Variants in EPS15 observed in about 807,000 individuals in gnomAD.
EPS15 encodes the protein epidermal growth factor receptor pathway substrate 15, also known as epidermal growth factor receptor substrate 15.
EPS15 carries 72 observed loss-of-function variants against 113.8 expected under a neutral mutation model. The ratio of observed to expected loss-of-function variants is 0.63; its 90% CI spans 0.52 to 0.77. EPS15 has a LOEUF of 0.77. Among genes scored for constraint, EPS15 ranks in the 30% least tolerant of loss-of-function variants. The probability of loss-of-function intolerance (pLI) is 0.00; values close to 1 mark genes in which losing one functional copy is unlikely to be tolerated. For missense variants in EPS15, 1,048 were observed against 1,045.8 expected (o/e 1.00, Z -0.03); for synonymous variants, 344 against 363.4 (o/e 0.95, Z 0.61).
intron 12 of EPS15, among the ~76,000 whole-genome samples, chr1:51,434,720 G>A (rs1440444381): frequency 6.6e-6 from 1 of 152,192 alleles, no homozygotes; most frequent in African/African-American, 2.4e-5. Context: ...CTCCCAGGCT[G>A]GAGTGCAGTG....
intron 24 of EPS15, among the ~76,000 whole-genome samples, chr1:51,360,211 T>A (rs1370181505): frequency 6.6e-6 from 1 of 152,116 alleles, no homozygotes; most frequent in East Asian, 1.9e-4. Context: ...GGCCACTAGA[T>A]CTATTTCCAA....
Position 51,355,212 on chromosome 1 carries a change from AAAC to A in EPS15, c.*1485_*1487del, listed in dbSNP as rs1192571016. The A allele has an allele frequency of 9.1e-6, 2 of 220,140 alleles. No homozygotes were observed. The highest frequency in any genetic ancestry group is 1.8e-5 in the Non-Finnish European group (2 of 109,626). 13.6% of individuals were successfully genotyped at this position (220,140 alleles called of 1,614,324 possible). A position where few individuals can be genotyped will look rare whatever the true frequency, so the allele number is the denominator to read the frequency against. On this transcript the variant is annotated 3_prime_UTR_variant, in exon 25 of 25. Coordinates refer to ENST00000371733, the MANE Select transcript of EPS15 (RefSeq NM_001981.3). Reference sequence around the variant, plus strand: ...CTAATTGTGTAATGGAAAGAAAACAAAACAAGCACCATTTCAAGAAGAAATGAA... The same window carrying A: ...CTAATTGTGTAATGGAAAGAAAACAAAAGCACCATTTCAAGAAGAAATGAA...
chr1:51,483,611 T>C (rs1444463392), intron 1 of EPS15, among the ~76,000 whole-genome samples: 1 of 151,822 alleles, frequency 6.6e-6, no homozygotes, highest in Non-Finnish European at 1.5e-5. Context: ...ATCAAGACCA[T>C]CTTGGCCAAC....
rs1017694670 is a variant in EPS15 at position 51,354,968 on chromosome 1, A to C, written c.*1732T>G. 4.6e-6 allele frequency: 1 copy of C among 218,978 alleles called. No individual in the cohort carries two copies. Among genetic ancestry groups the C allele is most frequent in the Non-Finnish European group, 9.2e-6 (1 of 108,948 alleles). The allele number at this position is 218,978 out of a possible 1,614,324, so 13.6% of individuals were successfully genotyped here. On this transcript the variant is annotated 3_prime_UTR_variant, in exon 25 of 25. Transcript: ENST00000371733. ...ACCTTTATCCTAAGGAGTAAGAGGA[A>C]GAAAATAAACAAAAATACCACCTAT...
chr1:51,456,500 T>C (rs997808296), intron 8 of EPS15, among the ~76,000 whole-genome samples: 8 of 152,208 alleles, frequency 5.3e-5, no homozygotes, highest in Admixed American at 2.0e-4. Flanking sequence ...ACTTGTATTA[T>C]ACTTCAACAA....
At chr1:51,361,635 C>T (rs1000930313) in intron 23 of EPS15, among the ~76,000 whole-genome samples, 2 of 152,090 alleles carry the variant, frequency 1.3e-5, no homozygotes, top group Non-Finnish European at 2.9e-5. Context: ...TGAATCCCAC[C>T]ATCCCCTAGC....
chr1:51,495,353 A>T (rs189158373), intron 1 of EPS15, among the ~76,000 whole-genome samples: 2,238 of 146,542 alleles, frequency 0.015, 29 homozygotes, highest in Non-Finnish European at 0.022. Flanking sequence ...TTTTATTTTT[A>T]TTTTTTTTTT....
At chr1:51,409,932 T>C (rs2148431816) in intron 13 of EPS15, among the ~76,000 whole-genome samples, 1 of 152,048 alleles carries the variant, frequency 6.6e-6, no homozygotes, top group Middle Eastern at 3.4e-3. Flanking sequence ...TGATGGGCTT[T>C]GCTAACATGT....
intron 1 of EPS15, among the ~76,000 whole-genome samples, chr1:51,500,639 C>A (rs2148550029): frequency 6.6e-6 from 1 of 152,192 alleles, no homozygotes; most frequent in Non-Finnish European, 1.5e-5. Context: ...CCTCAGCCTC[C>A]CAAGTAGCTG....
chr1:51,513,424 TAAC>T (rs941389586), intron 1 of EPS15, among the ~76,000 whole-genome samples: 2 of 152,226 alleles, frequency 1.3e-5, no homozygotes, highest in Admixed American at 6.5e-5. Context: ...AAAAATAATA[TAAC>T]AACAAACTGT....
chr1:51,421,337 A>C (rs1200228164), intron 13 of EPS15, among the ~76,000 whole-genome samples: 1 of 152,118 alleles, frequency 6.6e-6, no homozygotes, highest in Non-Finnish European at 1.5e-5. Context: ...TACAAGTATT[A>C]TGAGAAACAG....
At chr1:51,501,040 T>C (rs1306981541) in intron 1 of EPS15, among the ~76,000 whole-genome samples, 4 of 151,746 alleles carry the variant, frequency 2.6e-5, no homozygotes, top group South Asian at 2.1e-4. Context: ...TTTCCTCATA[T>C]ATTAAAAAAC....
intron 2 of EPS15, among the ~76,000 whole-genome samples, chr1:51,474,392 C>T (rs1655453350): frequency 6.6e-6 from 1 of 152,194 alleles, no homozygotes; most frequent in Non-Finnish European, 1.5e-5. Context: ...TGACATCACA[C>T]TACTTTCAGA....
intron 21 of EPS15, among the ~76,000 whole-genome samples, chr1:51,379,600 T>A (rs1477024934): frequency 6.6e-6 from 1 of 152,214 alleles, no homozygotes; most frequent in Non-Finnish European, 1.5e-5. Flanking sequence ...AATGGTTCAT[T>A]ACCACTAGAC....
chr1:51,426,622 G>A (rs953488040), intron 12 of EPS15, among the ~76,000 whole-genome samples: 4 of 151,198 alleles, frequency 2.6e-5, no homozygotes, highest in African/African-American at 9.8e-5. Context: ...CAATAATGTA[G>A]GTAGACCACA....
At chr1:51,437,283 C>T (rs1391370359) in intron 12 of EPS15, among the ~76,000 whole-genome samples, 1 of 151,994 alleles carries the variant, frequency 6.6e-6, no homozygotes, top group Non-Finnish European at 1.5e-5. Flanking sequence ...CATTGGTTTG[C>T]AATGCTCAAA....
chr1:51,394,343 G>A, intron 21 of EPS15, 38 bp downstream of exon 21: 1 of 1,331,498 alleles, frequency 7.5e-7, no homozygotes, highest in Non-Finnish European at 1.1e-6. Context: ...TAAAAAAAAT[G>A]TTTAATGTTC....
At chr1:51,387,016 A>G (rs892368421) in intron 21 of EPS15, among the ~76,000 whole-genome samples, 3 of 152,110 alleles carry the variant, frequency 2.0e-5, no homozygotes, top group Non-Finnish European at 2.9e-5. Flanking sequence ...ACACTTAATT[A>G]TCAGATTCAC....
At chr1:51,491,775 G>A (rs917340106) in intron 1 of EPS15, among the ~76,000 whole-genome samples, 2 of 151,926 alleles carry the variant, frequency 1.3e-5, no homozygotes, top group Non-Finnish European at 2.9e-5. Context: ...GGGAGTCAAG[G>A]AAACACAAGC....
Sources: gnomAD v4.1 joint callset for allele counts (sites outside exome capture counted in the v4.1 genomes callset) on GRCh38, gnomAD v4.1.1 for gene constraint, MANE v1.5 for transcripts, NCBI Gene and HGNC (gene_info 2026-07-23, HGNC 2026-07-21) for gene names.